CSMD1: variants seen among roughly 807,000 people sequenced by gnomAD.
The protein encoded by CSMD1 is CUB and Sushi multiple domains 1.
CSMD1 carries 213 observed loss-of-function variants against 417.5 expected under a neutral mutation model. That is an observed-to-expected ratio of 0.51 (90% CI 0.46 to 0.57). The LOEUF (loss-of-function observed/expected upper bound fraction) is 0.57. Ranked by LOEUF, CSMD1 falls within the 20% of genes least tolerant of loss-of-function variation. The pLI is 0.00. For synonymous variants in CSMD1, 2,862 were observed against 1,736.8 expected (o/e 1.65, Z -16.11); for missense variants, 6,923 against 4,529.7 (o/e 1.53, Z -15.17).
chr8:4,136,635 T>C (rs577398368), intron 3 of CSMD1, among the ~76,000 whole-genome samples: 1 of 152,334 alleles, frequency 6.6e-6, no homozygotes, highest in African/African-American at 2.4e-5. Flanking sequence ...ATAAAAATAG[T>C]GAGACAGCAT....
At chr8:3,590,448 G>C (rs1288096701) in intron 8 of CSMD1, among the ~76,000 whole-genome samples, 4 of 152,140 alleles carry the variant, frequency 2.6e-5, no homozygotes, top group Admixed American at 6.5e-5. Context: ...CCAAAGGAAA[G>C]TTTTCAAAGA....
chr8:4,250,285 C>G (rs978856431), intron 3 of CSMD1, among the ~76,000 whole-genome samples: 3 of 152,136 alleles, frequency 2.0e-5, no homozygotes, highest in Admixed American at 6.5e-5. Context: ...TATAAATAGC[C>G]CAGCTCAGCT....
At chr8:4,306,728 A>C (rs1047983187) in intron 3 of CSMD1, among the ~76,000 whole-genome samples, 1 of 151,984 alleles carries the variant, frequency 6.6e-6, no homozygotes, top group Non-Finnish European at 1.5e-5. Flanking sequence ...AGCACCTCTA[A>C]ATGAGTGCCC....
intron 25 of CSMD1, among the ~76,000 whole-genome samples, chr8:3,306,505 G>T (rs1804858330): frequency 6.6e-6 from 1 of 152,154 alleles, no homozygotes; most frequent in African/African-American, 2.4e-5. Flanking sequence ...TCACGTATGT[G>T]TAGGAGGAGC....
intron 3 of CSMD1, among the ~76,000 whole-genome samples, chr8:4,400,558 G>A (rs938076812): frequency 6.6e-6 from 1 of 152,208 alleles, no homozygotes. Context: ...CACAGGGCCA[G>A]CCACATCAGC....
chr8:4,214,081 T>C (rs1050208371), intron 3 of CSMD1, among the ~76,000 whole-genome samples: 3 of 152,200 alleles, frequency 2.0e-5, no homozygotes, highest in Non-Finnish European at 2.9e-5. Flanking sequence ...TACTGAATTA[T>C]CCAGCATCTT....
chr8:3,223,110 TA>T (rs1798309488), intron 28 of CSMD1, among the ~76,000 whole-genome samples: 1 of 152,248 alleles, frequency 6.6e-6, no homozygotes, highest in South Asian at 2.1e-4. Context: ...CAATAAATTG[TA>T]ATTATCATAT....
chr8:4,307,980 A>C (rs998326646), intron 3 of CSMD1, among the ~76,000 whole-genome samples: 1 of 152,122 alleles, frequency 6.6e-6, no homozygotes, highest in Non-Finnish European at 1.5e-5. Flanking sequence ...GAAATTACAG[A>C]GGCTCAAGGA....
chr8:4,020,238 G>C (rs1280286015), intron 4 of CSMD1, among the ~76,000 whole-genome samples: 2 of 152,180 alleles, frequency 1.3e-5, no homozygotes, highest in African/African-American at 4.8e-5. Flanking sequence ...ATTGACCAAA[G>C]ACACACAGTG....
intron 6 of CSMD1, 120 bp from the exon 7 acceptor site, chr8:3,708,611 T>C: frequency 1.3e-6 from 1 of 757,802 alleles, no homozygotes; most frequent in Non-Finnish European, 2.3e-6. Flanking sequence ...ATGGGAAATG[T>C]TCTAAGAGGT....
intron 3 of CSMD1, among the ~76,000 whole-genome samples, chr8:4,337,718 A>G (rs1800251913): frequency 6.6e-6 from 1 of 152,146 alleles, no homozygotes; most frequent in Non-Finnish European, 1.5e-5. Context: ...ACACTCAAGT[A>G]TTTGCCATTG....
intron 10 of CSMD1, among the ~76,000 whole-genome samples, chr8:3,516,038 A>G (rs971871186): frequency 8.5e-5 from 13 of 152,182 alleles, no homozygotes; most frequent in African/African-American, 2.9e-4. Context: ...TGTGGAGATG[A>G]TCCTATTAGA....
At chr8:4,458,941 C>G (rs928338905) in intron 2 of CSMD1, among the ~76,000 whole-genome samples, 9 of 152,162 alleles carry the variant, frequency 5.9e-5, no homozygotes, top group Admixed American at 4.6e-4. Context: ...GTGCATTAAG[C>G]TTGTAAACCA....
rs569519355 is a variant in CSMD1 at position 3,379,073 on chromosome 8, G to A, written c.2782+8421C>T. On this transcript the variant is annotated intron_variant, in intron 18 of 69. Transcript: ENST00000635120. The stretch of plus-strand genomic sequence containing the variant: ...GTCTCAGGATACAATATCAATGTGC[G>A]AAAAGCACAAGCATTCCTATACATA... Among the ~76,000 whole-genome samples, 22 of 152,200 alleles carry A rather than the reference G, an allele frequency of 1.4e-4. No homozygotes were observed. In the South Asian group the frequency reaches 1.7e-3, roughly 11 times the overall value.
At chr8:3,517,423 C>G (rs1043718619) in intron 10 of CSMD1, among the ~76,000 whole-genome samples, 20 of 151,886 alleles carry the variant, frequency 1.3e-4, no homozygotes, top group Non-Finnish European at 1.9e-4. Flanking sequence ...AAAGAGAGTC[C>G]TCTACACTCC....
intron 26 of CSMD1, among the ~76,000 whole-genome samples, chr8:3,232,485 C>G (rs980415534): frequency 1.3e-5 from 2 of 152,138 alleles, no homozygotes; most frequent in African/African-American, 4.8e-5. Flanking sequence ...TTTCCATCCT[C>G]TTCTTGATGG....
chr8:3,670,953 GTATGGGATATATGTA>G (rs1187686918), intron 7 of CSMD1, among the ~76,000 whole-genome samples: 2 of 104,252 alleles, frequency 1.9e-5, no homozygotes, highest in African/African-American at 6.9e-5. Flanking sequence ...GGGTATATGT[GTATGGGATATATGTA>G]TATGGGATAT....
intron 20 of CSMD1, among the ~76,000 whole-genome samples, chr8:3,361,758 A>G (rs1809198402): frequency 6.6e-6 from 1 of 151,754 alleles, no homozygotes; most frequent in African/African-American, 2.4e-5. Context: ...AAACACCATG[A>G]TCTTATGGTT....
At chr8:4,029,993 C>T (rs991743231) in intron 4 of CSMD1, among the ~76,000 whole-genome samples, 2 of 152,206 alleles carry the variant, frequency 1.3e-5, no homozygotes, top group Non-Finnish European at 2.9e-5. Flanking sequence ...CTTTGTGTCT[C>T]ACATCCAGGT....
Sources: gnomAD v4.1 joint callset for allele counts (sites outside exome capture counted in the v4.1 genomes callset) on GRCh38, gnomAD v4.1.1 for gene constraint, MANE v1.5 for transcripts, NCBI Gene and HGNC (gene_info 2026-07-23, HGNC 2026-07-21) for gene names.